PTPRD: variants seen among roughly 807,000 people sequenced by gnomAD.
PTPRD encodes the protein protein tyrosine phosphatase receptor type D.
PTPRD carries 34 observed loss-of-function variants against 214.5 expected under a neutral mutation model. The observed-to-expected ratio is 0.16, with a 90% CI of 0.12 to 0.21. The LOEUF (loss-of-function observed/expected upper bound fraction) is 0.21, where lower values mean the gene tolerates loss of function less well. Among genes scored for constraint, PTPRD ranks in the 10% least tolerant of loss-of-function variants. The pLI is 1.00. For missense variants in PTPRD, 2,545 were observed against 2,398.7 expected, an observed-to-expected ratio of 1.06 and a Z score of -1.27; for synonymous variants, 1,128 against 845.7, an observed-to-expected ratio of 1.33 and a Z score of -5.79.
chr9:8,507,867 C>A (rs2097573886), intron 21 of PTPRD, among the ~76,000 whole-genome samples: 1 of 152,146 alleles, frequency 6.6e-6, no homozygotes, highest in Non-Finnish European at 1.5e-5. Flanking sequence ...ATGTAACATT[C>A]AAAATTATTT....
At chr9:9,561,403 G>C (rs1276974936) in intron 8 of PTPRD, among the ~76,000 whole-genome samples, 2 of 152,140 alleles carry the variant, frequency 1.3e-5, no homozygotes, top group Non-Finnish European at 2.9e-5. Context: ...TCTTGCAACT[G>C]TGCCTCACGT....
At chr9:9,338,643 T>C (rs1033285557) in intron 9 of PTPRD, among the ~76,000 whole-genome samples, 1 of 152,252 alleles carries the variant, frequency 6.6e-6, no homozygotes, top group African/African-American at 2.4e-5. Flanking sequence ...ATTTTTAAAA[T>C]CTAAAGCCTT....
intron 2 of PTPRD, among the ~76,000 whole-genome samples, chr9:10,519,834 T>C (rs1421896992): frequency 6.6e-6 from 1 of 152,038 alleles, no homozygotes. Flanking sequence ...TATAAAACAG[T>C]AAACTTGATT....
intron 12 of PTPRD, among the ~76,000 whole-genome samples, chr9:8,695,817 T>A (rs1240627947): frequency 6.6e-6 from 1 of 152,206 alleles, no homozygotes; most frequent in Admixed American, 6.5e-5. Flanking sequence ...GCTTTCACTT[T>A]GTTTTAGCAT....
At chr9:9,578,761 A>T (rs2089852432) in intron 7 of PTPRD, among the ~76,000 whole-genome samples, 1 of 152,084 alleles carries the variant, frequency 6.6e-6, no homozygotes, top group Non-Finnish European at 1.5e-5. Context: ...GAAAGCCAAC[A>T]ATTGCCTGAA....
chr9:8,678,258 C>G (rs187759400), intron 12 of PTPRD, among the ~76,000 whole-genome samples: 1 of 152,156 alleles, frequency 6.6e-6, no homozygotes, highest in African/African-American at 2.4e-5. Flanking sequence ...ACTGTCCTTA[C>G]GACCCCGGGA....
At chr9:10,363,496 T>C (rs2154472226) in intron 2 of PTPRD, among the ~76,000 whole-genome samples, 1 of 152,356 alleles carries the variant, frequency 6.6e-6, no homozygotes, top group Non-Finnish European at 1.5e-5. Flanking sequence ...ACATGTGATG[T>C]TAAATTCTTC....
At chr9:8,494,451 A>C (rs2136403968) in intron 26 of PTPRD, among the ~76,000 whole-genome samples, 1 of 152,284 alleles carries the variant, frequency 6.6e-6, no homozygotes. Flanking sequence ...AACCAAGTAA[A>C]CTACCCAAGA....
At chr9:9,926,660 G>T (rs1327096621) in intron 5 of PTPRD, among the ~76,000 whole-genome samples, 1 of 152,054 alleles carries the variant, frequency 6.6e-6, no homozygotes, top group Non-Finnish European at 1.5e-5. Flanking sequence ...ACTTATTGTT[G>T]ACAAAAATGA....
At chr9:10,166,898 T>C (rs1415357757) in intron 3 of PTPRD, among the ~76,000 whole-genome samples, 1 of 152,132 alleles carries the variant, frequency 6.6e-6, no homozygotes, top group Non-Finnish European at 1.5e-5. Flanking sequence ...AGGTATACAA[T>C]AATCAGCTAT....
chr9:9,900,847 G>C (rs1000684986), intron 5 of PTPRD, among the ~76,000 whole-genome samples: 2 of 151,982 alleles, frequency 1.3e-5, no homozygotes, highest in Admixed American at 6.6e-5. Flanking sequence ...ATGTTGGCTA[G>C]GATGGTCTCT....
intron 10 of PTPRD, among the ~76,000 whole-genome samples, chr9:9,056,020 G>A (rs1289950215): frequency 2.6e-5 from 4 of 151,904 alleles, no homozygotes; most frequent in African/African-American, 9.7e-5. Context: ...CATAATGTCT[G>A]GCAGAATATA....
chr9:9,723,367 T>C lies in PTPRD; in HGVS notation c.-287+11166A>G, dbSNP rs554141154. ...TTTCTGGACATTCAATTCTATTCCA[T>C]TGATTTATTCGTTAGGCCAATTTTG... is the stretch of plus-strand genomic sequence containing the variant. On this transcript the variant is annotated intron_variant, in intron 7 of 45. Transcript: ENST00000381196. 3.3e-5 allele frequency among the ~76,000 whole-genome samples: 5 copies of C among 152,250 alleles called. No homozygotes were observed. In the South Asian group the frequency reaches 1.0e-3, roughly 32 times the overall value.
Position 8,632,317 on chromosome 9 carries a change from T to A in PTPRD, c.352+1000A>T, listed in dbSNP as rs147615712. Among the ~76,000 whole-genome samples the A allele has an allele frequency of 1.2e-3, 185 of 152,020 alleles. 2 individuals carry two copies. Among genetic ancestry groups the A allele is most frequent in the African/African-American group, 4.3e-3 (179 of 41,508 alleles). On this transcript the variant is annotated intron_variant, in intron 14 of 45. Coordinates refer to ENST00000381196, the MANE Select transcript of PTPRD (RefSeq NM_002839.4). ...AAACTTTTTTATTTTATAAAAGATA[T>A]AAAGTAAAACCATCCCTCCATGGGG...
At chr9:8,323,245 C>G (rs1830231186) in intron 44 of PTPRD, among the ~76,000 whole-genome samples, 1 of 152,138 alleles carries the variant, frequency 6.6e-6, no homozygotes. Flanking sequence ...TACCCAAGAG[C>G]TCTGGTGGAA....
At chr9:9,764,324 C>A (rs555903603) in intron 6 of PTPRD, among the ~76,000 whole-genome samples, 26 of 152,220 alleles carry the variant, frequency 1.7e-4, no homozygotes, top group Admixed American at 1.7e-3. Flanking sequence ...AAATCAAATG[C>A]ATTCAAAATA....
At chr9:10,354,058 C>T (rs118191032) in intron 2 of PTPRD, among the ~76,000 whole-genome samples, 105 of 152,084 alleles carry the variant, frequency 6.9e-4, no homozygotes, top group Non-Finnish European at 1.2e-3. Flanking sequence ...AAATTTAAAT[C>T]CACTGTATTG....
intron 7 of PTPRD, among the ~76,000 whole-genome samples, chr9:9,663,665 G>A (rs1046794696): frequency 6.6e-6 from 1 of 151,562 alleles, no homozygotes; most frequent in Non-Finnish European, 1.5e-5. Context: ...ATATCCAAAT[G>A]ATCACTAACA....
chr9:9,797,211 T>C (rs2099008165), intron 5 of PTPRD, among the ~76,000 whole-genome samples: 1 of 148,010 alleles, frequency 6.8e-6, no homozygotes, highest in Non-Finnish European at 1.5e-5. Context: ...TATACCAAAA[T>C]AGTAATACCC....
Sources: gnomAD v4.1 joint callset for allele counts (sites outside exome capture counted in the v4.1 genomes callset) on GRCh38, gnomAD v4.1.1 for gene constraint, MANE v1.5 for transcripts, NCBI Gene and HGNC (gene_info 2026-07-23, HGNC 2026-07-21) for gene names.